The following SIPA1L2 variants were observed in gnomAD, a reference collection of about 807,000 sequenced individuals.
The protein encoded by SIPA1L2 is signal-induced proliferation-associated 1-like protein 2.
In SIPA1L2, 56 loss-of-function variants were observed where a neutral mutation model predicts 163.9. The ratio of observed to expected loss-of-function variants is 0.34; its 90% confidence interval spans 0.28 to 0.43. SIPA1L2 has a LOEUF of 0.43. Among genes scored for constraint, SIPA1L2 ranks in the 20% least tolerant of loss-of-function variants. The pLI is 1.00. For missense variants in SIPA1L2, 1,974 were observed against 2,193.5 expected (o/e 0.90, Z 2.00); for synonymous variants, 877 against 865.7 (o/e 1.01, Z -0.23).
chr1:232,505,161 GGAA>G (rs1666669897), intron 3 of SIPA1L2, among the ~76,000 whole-genome samples: 2 of 152,310 alleles, frequency 1.3e-5, no homozygotes, highest in Non-Finnish European at 2.9e-5. Context: ...TTGCTCAAAA[GGAA>G]GAAGAAAACA....
intron 1 of SIPA1L2, among the ~76,000 whole-genome samples, chr1:232,586,165 A>G (rs1660644110): frequency 6.6e-6 from 1 of 152,138 alleles, no homozygotes; most frequent in Non-Finnish European, 1.5e-5. Context: ...ACAGCGATAC[A>G]GTTTGCACAG....
At chr1:232,566,248 A>C (rs1457677712) in intron 2 of SIPA1L2, among the ~76,000 whole-genome samples, 1 of 152,236 alleles carries the variant, frequency 6.6e-6, no homozygotes, top group Non-Finnish European at 1.5e-5. Flanking sequence ...TTACCTCAGA[A>C]AGTGCTTTCA....
intron 18 of SIPA1L2, among the ~76,000 whole-genome samples, 166 bp downstream of exon 18, chr1:232,425,423 C>G (rs925398380): frequency 1.3e-5 from 2 of 152,194 alleles, no homozygotes; most frequent in Non-Finnish European, 2.9e-5. Context: ...AATGTCCACT[C>G]TGGGGCTTCT....
At chr1:232,613,466 T>A (rs182078488) in intron 1 of SIPA1L2, among the ~76,000 whole-genome samples, 2 of 152,226 alleles carry the variant, frequency 1.3e-5, no homozygotes, top group African/African-American at 4.8e-5. Context: ...ACTTTTATTA[T>A]GGAGTCAAGG....
At chr1:232,532,127 C>T (rs139308361) in intron 2 of SIPA1L2, among the ~76,000 whole-genome samples, 1 of 152,208 alleles carries the variant, frequency 6.6e-6, no homozygotes, top group East Asian at 1.9e-4. Context: ...AAGGCCACTG[C>T]AATAATCCAG....
At chr1:232,580,669 A>AT (rs1046514308) in intron 1 of SIPA1L2, among the ~76,000 whole-genome samples, 2 of 151,912 alleles carry the variant, frequency 1.3e-5, no homozygotes, top group Admixed American at 6.6e-5. Flanking sequence ...TGGATGGTAA[A>AT]TTTTTTTTCA....
intron 8 of SIPA1L2, among the ~76,000 whole-genome samples, chr1:232,469,787 T>C (rs1664706912): frequency 6.6e-6 from 1 of 151,696 alleles, no homozygotes; most frequent in African/African-American, 2.4e-5. Context: ...TTAATTAGAT[T>C]CAAAAACATT....
chr1:232,554,927 G>A (rs982718169), intron 2 of SIPA1L2, among the ~76,000 whole-genome samples: 1 of 152,170 alleles, frequency 6.6e-6, no homozygotes, highest in East Asian at 1.9e-4. Context: ...AAAATTAAAT[G>A]TCCCTTTCTC....
At chr1:232,425,901 T>C (rs1426824353) in intron 17 of SIPA1L2, 93 bp from the exon 18 acceptor site, 11 of 1,089,574 alleles carry the variant, frequency 1.0e-5, no homozygotes, top group Non-Finnish European at 1.5e-5. Context: ...TCACATACTA[T>C]TGTGATAGCT....
At chr1:232,455,776 A>G (rs1225141576) in intron 10 of SIPA1L2, among the ~76,000 whole-genome samples, 1 of 152,082 alleles carries the variant, frequency 6.6e-6, no homozygotes, top group African/African-American at 2.4e-5. Context: ...AGCCATAAAA[A>G]GAACGAAACC....
chr1:232,531,923 T>C (rs1161386382), intron 2 of SIPA1L2, among the ~76,000 whole-genome samples: 2 of 152,074 alleles, frequency 1.3e-5, no homozygotes, highest in African/African-American at 4.8e-5. Context: ...AAAGCAAGCC[T>C]GGCACATGCA....
intron 16 of SIPA1L2, among the ~76,000 whole-genome samples, chr1:232,431,291 T>G: frequency 6.6e-6 from 1 of 152,236 alleles, no homozygotes; most frequent in East Asian, 1.9e-4. Flanking sequence ...AATTCCTTCC[T>G]AAATAAGCCA....
chr1:232,623,676 T>A (rs1662932766), intron 1 of SIPA1L2, among the ~76,000 whole-genome samples: 1 of 152,068 alleles, frequency 6.6e-6, no homozygotes, highest in Non-Finnish European at 1.5e-5. Context: ...GAGAATAGCA[T>A]CGCCATTACA....
chr1:232,414,852 G>A (rs1391657624), intron 19 of SIPA1L2, among the ~76,000 whole-genome samples: 2 of 152,176 alleles, frequency 1.3e-5, no homozygotes, highest in African/African-American at 4.8e-5. Context: ...TCCTTGTTTT[G>A]TCTACCTTTA....
chr1:232,551,977 T>C (rs1658415145), intron 2 of SIPA1L2, among the ~76,000 whole-genome samples: 2 of 152,228 alleles, frequency 1.3e-5, no homozygotes, highest in South Asian at 4.1e-4. Context: ...GTAGCTGAGA[T>C]TACAGGCGCC....
intron 1 of SIPA1L2, among the ~76,000 whole-genome samples, chr1:232,604,045 C>G (rs1333932410): frequency 6.6e-6 from 1 of 151,988 alleles, no homozygotes; most frequent in African/African-American, 2.4e-5. Context: ...ACAAATCAAC[C>G]TGATTCCACC....
chr1:232,550,344 G>C, intron 2 of SIPA1L2, among the ~76,000 whole-genome samples: 1 of 152,076 alleles, frequency 6.6e-6, no homozygotes, highest in East Asian at 1.9e-4. Context: ...GCCACCCACC[G>C]CAAGTCAGAC....
At chr1:232,573,591 C>T (rs181818991) in intron 2 of SIPA1L2, among the ~76,000 whole-genome samples, 83 of 152,274 alleles carry the variant, frequency 5.5e-4, no homozygotes, top group Middle Eastern at 3.4e-3. Flanking sequence ...TTTCCTGCTG[C>T]TACAGGAAAT....
intron 2 of SIPA1L2, among the ~76,000 whole-genome samples, chr1:232,535,366 T>C (rs1657238574): frequency 6.6e-6 from 1 of 152,218 alleles, no homozygotes; most frequent in Non-Finnish European, 1.5e-5. Flanking sequence ...TATAAATCTC[T>C]ATTTTCACAT....
Sources: gnomAD v4.1 joint callset for allele counts (sites outside exome capture counted in the v4.1 genomes callset) on GRCh38, gnomAD v4.1.1 for gene constraint, MANE v1.5 for transcripts, NCBI Gene and HGNC (gene_info 2026-07-23, HGNC 2026-07-21) for gene names.